Variants in SLC7A9 observed in about 807,000 individuals in gnomAD.
SLC7A9 encodes B(0,+)-type amino acid transporter 1.
SLC7A9 carries 38 observed loss-of-function variants against 54.1 expected under a neutral mutation model. That is an observed-to-expected ratio of 0.70 (90% confidence interval 0.54 to 0.92). The LOEUF (loss-of-function observed/expected upper bound fraction) is 0.92, where lower values mean the gene tolerates loss of function less well. Among genes scored for constraint, SLC7A9 ranks in the 40% least tolerant of loss-of-function variants. The pLI is 0.00. For missense variants in SLC7A9, 537 were observed against 636.1 expected, an observed-to-expected ratio of 0.84 and a Z score of 1.68; for synonymous variants, 264 against 258.9, an observed-to-expected ratio of 1.02 and a Z score of -0.19.
chr19:32,856,989 A>G (rs998616714), intron 9 of SLC7A9, among the ~76,000 whole-genome samples: 3 of 152,106 alleles, frequency 2.0e-5, no homozygotes, highest in Non-Finnish European at 2.9e-5. Context: ...CGTCTCTACT[A>G]AAAATACAAA....
chr19:32,853,832 G>A lies in SLC7A9; in HGVS notation c.977+4608C>T, dbSNP rs556070293. On this transcript the variant is annotated intron_variant, in intron 9 of 12. Coordinates refer to ENST00000023064, the MANE Select transcript of SLC7A9 (RefSeq NM_014270.5). ...CTTGGGAGGCTGAGGCATGAGAATC[G>A]CTTGAACCTGGGAGGCAGATGTTGC... 2.7e-3 allele frequency among the ~76,000 whole-genome samples: 413 copies of A among 150,512 alleles called. 2 individuals carry two copies. The highest frequency in any genetic ancestry group is 9.3e-3 in the African/African-American group (381 of 40,922).
At chr19:32,834,000 T>C (rs2145795276) in intron 11 of SLC7A9, among the ~76,000 whole-genome samples, 1 of 152,272 alleles carries the variant, frequency 6.6e-6, no homozygotes, top group East Asian at 1.9e-4. Context: ...GCAGGATTAG[T>C]GCTGTATTCT....
At chr19:32,841,768 G>A (rs1292471038) in intron 11 of SLC7A9, among the ~76,000 whole-genome samples, 3 of 152,046 alleles carry the variant, frequency 2.0e-5, no homozygotes, top group African/African-American at 4.8e-5. Context: ...TTAGCCAGGC[G>A]TGATGGCAGA....
intron 6 of SLC7A9, 80 bp from the exon 7 acceptor site, chr19:32,860,730 C>T: frequency 1.3e-6 from 2 of 1,566,750 alleles, no homozygotes; most frequent in Admixed American, 1.8e-5. Flanking sequence ...AAATGTTGGC[C>T]TCATTTAAGA....
At position 32,832,587 on chromosome 19, in the gene SLC7A9, C is replaced by CA. The variant is rs746136682; in HGVS notation, c.1399+561dup. ...TGGGCAACAGAGTGAGACTGTGTCT[C>CA]AAAAAAAAAAAAAAAAAGAAAGAAA... On this transcript the variant is annotated intron_variant, in intron 12 of 12. Coordinates refer to ENST00000023064, the MANE Select transcript of SLC7A9 (RefSeq NM_014270.5). Among the ~76,000 whole-genome samples the CA allele has an allele frequency of 4.7e-3, 432 of 91,280 alleles. 1 individual carries two copies. The highest frequency in any genetic ancestry group is 8.8e-3 in the African/African-American group (222 of 25,090). 59.9% of individuals were successfully genotyped at this position (91,280 alleles called of 152,430 possible).
intron 12 of SLC7A9, 33 bp downstream of exon 12, chr19:32,833,116 C>A: frequency 6.2e-7 from 1 of 1,612,138 alleles, no homozygotes; most frequent in Non-Finnish European, 8.5e-7. Context: ...CTGCACCTCA[C>A]AGAGGCCAAG....
chr19:32,856,565 T>C (rs1228154644), intron 9 of SLC7A9, among the ~76,000 whole-genome samples: 2 of 152,180 alleles, frequency 1.3e-5, no homozygotes, highest in Non-Finnish European at 2.9e-5. Flanking sequence ...AATGTTTACA[T>C]GTATTGAAAC....
chr19:32,856,877 G>C (rs1157772726), intron 9 of SLC7A9, among the ~76,000 whole-genome samples: 1 of 152,150 alleles, frequency 6.6e-6, no homozygotes, highest in Non-Finnish European at 1.5e-5. Flanking sequence ...AGGCGGCCGG[G>C]TGTGGTGGCT....
intron 9 of SLC7A9, among the ~76,000 whole-genome samples, chr19:32,848,080 A>T (rs1007211057): frequency 3.9e-5 from 6 of 151,918 alleles, no homozygotes; most frequent in African/African-American, 1.2e-4. Flanking sequence ...CACTGCAAAA[A>T]CATGCCAAAA....
chr19:32,840,198 G>A (rs1434553956), intron 11 of SLC7A9, among the ~76,000 whole-genome samples: 1 of 151,828 alleles, frequency 6.6e-6, no homozygotes, highest in Non-Finnish European at 1.5e-5. Context: ...TTTGCAACGG[G>A]GTCCCTCTCT....
intron 7 of SLC7A9, 107 bp from the exon 8 acceptor site, chr19:32,860,071 G>A (rs1297682246): frequency 6.3e-7 from 1 of 1,597,732 alleles, no homozygotes; most frequent in South Asian, 1.1e-5. Flanking sequence ...AGGTAGCAGA[G>A]GCCCAGCAGG....
chr19:32,864,865 G>A, intron 2 of SLC7A9, 89 bp from the exon 3 acceptor site: 1 of 1,571,396 alleles, frequency 6.4e-7, no homozygotes. Flanking sequence ...TACGGCCAGG[G>A]CGGCCCCAGC....
intron 6 of SLC7A9, among the ~76,000 whole-genome samples, 196 bp downstream of exon 6, chr19:32,861,922 G>A (rs1968811159): frequency 6.6e-6 from 1 of 152,184 alleles, no homozygotes; most frequent in African/African-American, 2.4e-5. Context: ...GAGCACTCTG[G>A]CTGACTGAGC....
chr19:32,867,653 A>G (rs1038395050), intron 2 of SLC7A9, among the ~76,000 whole-genome samples: 1 of 152,060 alleles, frequency 6.6e-6, no homozygotes, highest in African/African-American at 2.4e-5. Flanking sequence ...TGAACTTAAA[A>G]TAATATGCGG....
At position 32,830,670 on chromosome 19, in the gene SLC7A9, G is replaced by T. The variant is rs767795699; in HGVS notation, c.1414C>A (p.His472Asn). ...AQKISKPITM[H>N]LQMLMEVVPP... is the part of the protein sequence containing the mutation. ...ACCACTTCCATTAGCATCTGAAGGT[G>T]CATGGTAATCGGCTCTGAAATAAGA... Residue 472 changes from histidine (H) to asparagine (N), a missense_variant, in exon 13 of 13, where the codon CAC (histidine) becomes AAC (asparagine). Coordinates refer to ENST00000023064, the MANE Select transcript of SLC7A9 (RefSeq NM_014270.5). The T allele has an allele frequency of 6.2e-7, 1 of 1,613,942 alleles. No homozygotes were observed. Among genetic ancestry groups the T allele is most frequent in the South Asian group, 1.1e-5 (1 of 91,082 alleles).
intron 9 of SLC7A9, among the ~76,000 whole-genome samples, chr19:32,844,153 C>T (rs2145812893): frequency 6.6e-6 from 1 of 152,246 alleles, no homozygotes. Flanking sequence ...GTTAAACGCA[C>T]TGAGAGACTA....
chr19:32,857,886 G>C (rs1334256514), intron 9 of SLC7A9, among the ~76,000 whole-genome samples: 1 of 152,204 alleles, frequency 6.6e-6, no homozygotes, highest in African/African-American at 2.4e-5. Flanking sequence ...TCACTCTTGG[G>C]TACCAAGGCA....
At chr19:32,859,169 G>A (rs1431390799) in intron 8 of SLC7A9, among the ~76,000 whole-genome samples, 2 of 151,910 alleles carry the variant, frequency 1.3e-5, no homozygotes, top group Non-Finnish European at 2.9e-5. Context: ...GCGTGATCAC[G>A]TCTCACTGTA....
Position 32,843,841 on chromosome 19 carries a change from G to T in SLC7A9, c.1074+14C>A, listed in dbSNP as rs367844535. On this transcript the variant is annotated intron_variant, in intron 10 of 12. Coordinates refer to ENST00000023064, the MANE Select transcript of SLC7A9 (RefSeq NM_014270.5). ...CCGCCTTGAAGATAGGCTGGTAGCG[G>T]GATTTGTACTCACATAAAAGATGAT... 142 of 1,598,236 alleles carry T rather than the reference G, an allele frequency of 8.9e-5. No homozygotes were observed. The highest frequency in any genetic ancestry group is 6.6e-4 in the Middle Eastern group (4 of 6,028).
Sources: gnomAD v4.1 joint callset for allele counts (sites outside exome capture counted in the v4.1 genomes callset) on GRCh38, gnomAD v4.1.1 for gene constraint, MANE v1.5 for transcripts, NCBI Gene and HGNC (gene_info 2026-07-23, HGNC 2026-07-21) for gene names.